Variants in YPEL2 observed in about 807,000 individuals in gnomAD.
YPEL2 encodes the protein yippee like 2, also known as protein yippee-like 2.
YPEL2 carries 2 observed loss-of-function variants against 19.1 expected under a neutral mutation model. The ratio of observed to expected loss-of-function variants is 0.10; its 90% CI spans 0.04 to 0.33. The LOEUF is 0.33. Ranked by LOEUF, YPEL2 falls within the 10% of genes least tolerant of loss-of-function variation. The pLI is 1.00. For missense variants in YPEL2, 66 were observed against 140.7 expected (o/e 0.47, Z 2.68); for synonymous variants, 52 against 50.0 (o/e 1.04, Z -0.17).
At chr17:59,387,281 GAA>G (rs2047985555) in intron 2 of YPEL2, among the ~76,000 whole-genome samples, 1 of 121,290 alleles carries the variant, frequency 8.2e-6, no homozygotes, top group Non-Finnish European at 1.7e-5. Flanking sequence ...AAAAAAAAAA[GAA>G]TTTTGTCTTT....
At chr17:59,360,659 A>G (rs2047836263) in intron 2 of YPEL2, among the ~76,000 whole-genome samples, 1 of 152,170 alleles carries the variant, frequency 6.6e-6, no homozygotes, top group Non-Finnish European at 1.5e-5. Context: ...AGGTGAATCA[A>G]ATCTGTACAG....
intron 4 of YPEL2, among the ~76,000 whole-genome samples, chr17:59,390,128 G>A (rs1381166615): frequency 6.6e-6 from 1 of 152,066 alleles, no homozygotes; most frequent in Non-Finnish European, 1.5e-5. Context: ...AGCCTCCCAA[G>A]TAGCTGGGAT....
At chr17:59,361,702 C>T (rs553854800) in intron 2 of YPEL2, among the ~76,000 whole-genome samples, 53 of 152,138 alleles carry the variant, frequency 3.5e-4, no homozygotes, top group Non-Finnish European at 6.8e-4. Context: ...GTATATTTTT[C>T]TAGAGAGGGT....
chr17:59,364,912 A>G lies in YPEL2; in HGVS notation c.117+11386A>G, dbSNP rs1469400565. Among the ~76,000 whole-genome samples the G allele has an allele frequency of 1.2e-4, 18 of 152,324 alleles. No individual in the cohort carries two copies. The East Asian group carries it at 3.1e-3, about 26-fold the overall frequency. On this transcript the variant is annotated intron_variant, in intron 2 of 4. Transcript: ENST00000312655. ...CTCCCAAAGTGCTGGGATTACGGGT[A>G]TGAGCCACTGCGCCCATCCGCCTTT...
At chr17:59,366,768 C>A (rs1278786617) in intron 2 of YPEL2, among the ~76,000 whole-genome samples, 1 of 152,170 alleles carries the variant, frequency 6.6e-6, no homozygotes, top group Non-Finnish European at 1.5e-5. Flanking sequence ...GAAACATTCA[C>A]CTAGGAAGCC....
chr17:59,359,861 G>T (rs576305226), intron 2 of YPEL2, among the ~76,000 whole-genome samples: 160 of 152,302 alleles, frequency 1.1e-3, no homozygotes, highest in Non-Finnish European at 1.8e-3. Context: ...GAGCTCTAGT[G>T]GGTGCCTCTG....
chr17:59,381,379 A>G (rs996582994), intron 2 of YPEL2, among the ~76,000 whole-genome samples: 4 of 152,166 alleles, frequency 2.6e-5, no homozygotes, highest in African/African-American at 9.6e-5. Context: ...TAGACAGAGA[A>G]GGGGGCTGAA....
At chr17:59,349,216 G>C (rs995101698) in intron 1 of YPEL2, among the ~76,000 whole-genome samples, 1 of 145,618 alleles carries the variant, frequency 6.9e-6, no homozygotes, top group Non-Finnish European at 1.5e-5. Flanking sequence ...TCTTTCCTAA[G>C]AATTGACTCA....
At chr17:59,345,182 A>G (rs774093826) in intron 1 of YPEL2, 3 of 152,220 alleles carry the variant, frequency 2.0e-5, no homozygotes, top group African/African-American at 2.4e-5. Context: ...TCACTACTAC[A>G]TGGAACCAGG....
intron 2 of YPEL2, among the ~76,000 whole-genome samples, chr17:59,372,750 C>T (rs557686779): frequency 1.3e-5 from 2 of 152,248 alleles, no homozygotes; most frequent in Non-Finnish European, 2.9e-5. Flanking sequence ...TGTCCTAGGA[C>T]TGACTCTGTC....
intron 1 of YPEL2, among the ~76,000 whole-genome samples, chr17:59,348,908 T>C (rs1007758424): frequency 5.3e-5 from 8 of 152,070 alleles, no homozygotes; most frequent in South Asian, 4.1e-4. Context: ...CAATTTTGGC[T>C]GGGCGCAGTG....
chr17:59,352,263 C>T (rs1167501047), intron 1 of YPEL2, among the ~76,000 whole-genome samples: 1 of 152,182 alleles, frequency 6.6e-6, no homozygotes, highest in Admixed American at 6.5e-5. Context: ...ATAGCAGGTG[C>T]GGAAGCCTTA....
rs1157061448 is a variant in YPEL2 at position 59,396,521 on chromosome 17, G to A, written c.271-580G>A. Among the ~76,000 whole-genome samples the A allele has an allele frequency of 1.3e-5, 2 of 152,256 alleles. 1 individual carries two copies. The highest frequency in any genetic ancestry group is 4.1e-4 in the South Asian group (2 of 4,838). On this transcript the variant is annotated intron_variant, in intron 4 of 4. Transcript: ENST00000312655. The stretch of plus-strand genomic sequence containing the variant: ...GGTAGCTGGGGAAGACCTTACTGAG[G>A]GGGTGACATTGCAAAGACTTAAATG...
rs1369113137 is a variant in YPEL2, at chr17:59,338,241, G to A, written c.-196+6417G>A. ...CTTTGTCTGTTTCTCACTGGGAAAG[G>A]AAGGCTTGACATCCAGTTGGCAGAT... On this transcript the variant is annotated intron_variant, in intron 1 of 4. Transcript: ENST00000312655. Among the ~76,000 whole-genome samples, 4 of 152,150 alleles carry A rather than the reference G, an allele frequency of 2.6e-5. No individual in the cohort carries two copies. In the East Asian group the frequency reaches 7.7e-4, roughly 29 times the overall value.
chr17:59,353,385 G>A lies in YPEL2; in HGVS notation c.-25G>A. The A allele has an allele frequency of 6.5e-7, 1 of 1,534,388 alleles. No individual in the cohort carries two copies. The highest frequency in any genetic ancestry group is 1.2e-5 in the South Asian group (1 of 80,080). Reference sequence around the variant, plus strand: ...GGAGTGCCTCGTGGGCTGCCCCAGAGTTCACCCCACACTCAGCAGCACCAA... The same window carrying A: ...GGAGTGCCTCGTGGGCTGCCCCAGAATTCACCCCACACTCAGCAGCACCAA... On this transcript the variant is annotated 5_prime_UTR_variant, in exon 2 of 5. Transcript: ENST00000312655. The surrounding 1 kb of genome is among the most constrained non-coding windows in gnomAD (Gnocchi z 4.8).
At chr17:59,341,179 G>A (rs1269923006) in intron 1 of YPEL2, among the ~76,000 whole-genome samples, 3 of 151,026 alleles carry the variant, frequency 2.0e-5, no homozygotes, top group East Asian at 2.0e-4. Context: ...TTGGGAGGCC[G>A]AGGTGGGCGG....
chr17:59,337,263 C>T (rs1477969940), intron 1 of YPEL2, among the ~76,000 whole-genome samples: 1 of 150,576 alleles, frequency 6.6e-6, no homozygotes, highest in African/African-American at 2.5e-5. Context: ...TCTCGGCTCA[C>T]TGCAAGCTCC....
At chr17:59,347,660 C>T (rs1293857732) in intron 1 of YPEL2, among the ~76,000 whole-genome samples, 17 of 152,216 alleles carry the variant, frequency 1.1e-4, no homozygotes, top group East Asian at 9.6e-4. Flanking sequence ...TCAATACTAA[C>T]GCATGCCTGT....
chr17:59,386,784 G>T (rs1480035381), intron 2 of YPEL2, among the ~76,000 whole-genome samples: 1 of 152,202 alleles, frequency 6.6e-6, no homozygotes, highest in Non-Finnish European at 1.5e-5. Flanking sequence ...CCTGGAAGCT[G>T]CTATATTCCC....
Sources: allele counts gnomAD v4.1 joint callset (sites outside exome capture counted in the v4.1 genomes callset), GRCh38; gene constraint gnomAD v4.1.1; non-coding constraint Gnocchi (gnomAD v3.1); transcripts MANE v1.5; gene names NCBI Gene and HGNC (gene_info 2026-07-23, HGNC 2026-07-21).